The following OSBPL8 variants were observed in gnomAD, a reference collection of about 807,000 sequenced individuals.
OSBPL8 encodes oxysterol binding protein like 8, also known as oxysterol-binding protein-related protein 8.
In OSBPL8, 59 loss-of-function variants were observed where a neutral mutation model predicts 125.5. The observed-to-expected ratio is 0.47, with a 90% CI of 0.38 to 0.58. The LOEUF (loss-of-function observed/expected upper bound fraction) is 0.58, where lower values mean the gene tolerates loss of function less well. OSBPL8 is among the 20% of genes least tolerant of loss of function. The pLI is 0.00. For synonymous variants in OSBPL8, 330 were observed against 338.9 expected (o/e 0.97, Z 0.29); for missense variants, 758 against 1,047.8 (o/e 0.72, Z 3.82).
At chr12:76,383,209 C>T (rs1362639232) in intron 15 of OSBPL8, among the ~76,000 whole-genome samples, 3 of 151,890 alleles carry the variant, frequency 2.0e-5, no homozygotes, top group Non-Finnish European at 2.9e-5. Flanking sequence ...AGCTATGCAC[C>T]TCGTACTCAA....
At chr12:76,387,350 G>A (rs74103420) in intron 12 of OSBPL8, among the ~76,000 whole-genome samples, 54 of 152,158 alleles carry the variant, frequency 3.5e-4, no homozygotes, top group Middle Eastern at 3.4e-3. Flanking sequence ...AAATCAATAC[G>A]GAAGGTTTTA....
chr12:76,520,066 A>G (rs1369499543), intron 1 of OSBPL8, among the ~76,000 whole-genome samples: 1 of 152,230 alleles, frequency 6.6e-6, no homozygotes, highest in African/African-American at 2.4e-5. Flanking sequence ...AAAATATCTC[A>G]GAGACCAGAG....
At chr12:76,378,671 C>A (rs61292805) in intron 15 of OSBPL8, 121 bp from the exon 16 acceptor site, 4 of 662,524 alleles carry the variant, frequency 6.0e-6, no homozygotes, top group South Asian at 5.7e-5. Flanking sequence ...ATGTCTCAAT[C>A]TCAATGTGCC....
intron 4 of OSBPL8, among the ~76,000 whole-genome samples, chr12:76,424,751 G>A (rs1411777485): frequency 1.3e-5 from 2 of 152,202 alleles, no homozygotes; most frequent in East Asian, 3.9e-4. Context: ...TCTTAAAAGA[G>A]TCTAGGTTAA....
At chr12:76,474,507 A>T (rs2136939944) in intron 2 of OSBPL8, among the ~76,000 whole-genome samples, 1 of 152,256 alleles carries the variant, frequency 6.6e-6, no homozygotes, top group Non-Finnish European at 1.5e-5. Flanking sequence ...GGGGAGGCAG[A>T]GTCTCACTCT....
At chr12:76,503,569 G>A (rs948090731) in intron 1 of OSBPL8, among the ~76,000 whole-genome samples, 2 of 152,020 alleles carry the variant, frequency 1.3e-5, no homozygotes, top group African/African-American at 2.4e-5. Context: ...ACGGAGTCTC[G>A]CTTCTGCCAC....
intron 21 of OSBPL8, 53 bp downstream of exon 21, chr12:76,369,161 C>G: frequency 6.4e-7 from 1 of 1,572,106 alleles, no homozygotes; most frequent in Non-Finnish European, 8.6e-7. Flanking sequence ...GCTATAGATA[C>G]TAAAGATTTA....
intron 4 of OSBPL8, among the ~76,000 whole-genome samples, chr12:76,415,258 T>A (rs1050920823): frequency 6.6e-6 from 1 of 151,640 alleles, no homozygotes; most frequent in Admixed American, 6.6e-5. Flanking sequence ...TCCTTTTTTT[T>A]TTTTGAGATG....
rs762204142 is a variant in OSBPL8 at position 76,460,306 on chromosome 12, A to G, written c.43-411T>C. 2.0e-4 allele frequency among the ~76,000 whole-genome samples: 31 copies of G among 152,198 alleles called. 1 individual carries two copies. The highest frequency in any genetic ancestry group is 7.2e-4 in the Admixed American group (11 of 15,272). Reference sequence around the variant, plus strand: ...TAAATTTAAGGTGGTTTAAAACTATATAACACCCATGCACTATTAAAGATT... The same window carrying G: ...TAAATTTAAGGTGGTTTAAAACTATGTAACACCCATGCACTATTAAAGATT... On this transcript the variant is annotated intron_variant, in intron 2 of 23. Coordinates refer to ENST00000261183, the MANE Select transcript of OSBPL8 (RefSeq NM_020841.5).
chr12:76,420,782 C>G (rs1054537297), intron 4 of OSBPL8, among the ~76,000 whole-genome samples: 1 of 151,904 alleles, frequency 6.6e-6, no homozygotes, highest in African/African-American at 2.4e-5. Flanking sequence ...TAAGTCACAA[C>G]AAAAAGCCAC....
intron 5 of OSBPL8, among the ~76,000 whole-genome samples, chr12:76,408,984 AATAG>A (rs1286036779): frequency 2.0e-5 from 3 of 151,190 alleles, no homozygotes; most frequent in African/African-American, 2.5e-5. Flanking sequence ...ATTGCTTGAA[AATAG>A]ATCTTTTTTT....
chr12:76,461,073 T>C (rs1388299265), intron 2 of OSBPL8, among the ~76,000 whole-genome samples: 2 of 152,240 alleles, frequency 1.3e-5, no homozygotes, highest in Non-Finnish European at 2.9e-5. Flanking sequence ...CTCATTCTTC[T>C]GGTTTTACAA....
intron 1 of OSBPL8, among the ~76,000 whole-genome samples, chr12:76,545,371 A>C (rs1007610223): frequency 6.6e-6 from 1 of 152,214 alleles, no homozygotes. Context: ...GGAAAAAATT[A>C]ATGAATTTCT....
chr12:76,469,754 T>C (rs1235436684), intron 2 of OSBPL8, among the ~76,000 whole-genome samples: 2 of 152,196 alleles, frequency 1.3e-5, no homozygotes, highest in Non-Finnish European at 2.9e-5. Context: ...ACAGTTCATA[T>C]TTATATATTT....
chr12:76,510,844 G>A (rs1318122450), intron 1 of OSBPL8, among the ~76,000 whole-genome samples: 7 of 148,808 alleles, frequency 4.7e-5, no homozygotes, highest in South Asian at 4.2e-4. Context: ...TCATGCCACT[G>A]CACTCCAGCC....
intron 21 of OSBPL8, among the ~76,000 whole-genome samples, chr12:76,364,260 T>C (rs909702465): frequency 7.9e-5 from 12 of 152,174 alleles, no homozygotes; most frequent in African/African-American, 2.9e-4. Context: ...CAAATGCCCA[T>C]CAGTGATAGA....
At chr12:76,514,555 T>C (rs1247767342) in intron 1 of OSBPL8, among the ~76,000 whole-genome samples, 1 of 152,136 alleles carries the variant, frequency 6.6e-6, no homozygotes, top group Non-Finnish European at 1.5e-5. Flanking sequence ...CCTGATGGGG[T>C]TGCCTTTGCA....
intron 1 of OSBPL8, among the ~76,000 whole-genome samples, chr12:76,507,229 G>A (rs919305642): frequency 4.0e-5 from 6 of 151,676 alleles, no homozygotes; most frequent in Admixed American, 3.9e-4. Flanking sequence ...AAAGTTCCTA[G>A]AGAAAGTAAT....
intron 2 of OSBPL8, among the ~76,000 whole-genome samples, chr12:76,484,745 T>C (rs1288661663): frequency 6.6e-6 from 1 of 152,128 alleles, no homozygotes; most frequent in Non-Finnish European, 1.5e-5. Context: ...ACCAAGCAGT[T>C]CAAAGGTGAT....
Sources: gnomAD v4.1 joint callset for allele counts (sites outside exome capture counted in the v4.1 genomes callset) on GRCh38, gnomAD v4.1.1 for gene constraint, MANE v1.5 for transcripts, NCBI Gene and HGNC (gene_info 2026-07-23, HGNC 2026-07-21) for gene names.